The following NRG3 variants were observed in gnomAD, a reference collection of about 807,000 sequenced individuals.
NRG3 encodes the protein pro-neuregulin-3, membrane-bound isoform.
In NRG3, 31 loss-of-function variants were observed where a neutral mutation model predicts 66.9. The observed-to-expected ratio is 0.46, with a 90% confidence interval of 0.35 to 0.63. The LOEUF is 0.63. Among genes scored for constraint, NRG3 ranks in the 20% least tolerant of loss-of-function variants. The probability of loss-of-function intolerance (pLI) is 0.00; values close to 1 mark genes in which losing one functional copy is unlikely to be tolerated. For missense variants in NRG3, 910 were observed against 878.9 expected, an observed-to-expected ratio of 1.04 and a Z score of -0.45; for synonymous variants, 393 against 359.4, an observed-to-expected ratio of 1.09 and a Z score of -1.06.
At chr10:82,466,811 C>T (rs1840722066) in intron 2 of NRG3, among the ~76,000 whole-genome samples, 1 of 151,544 alleles carries the variant, frequency 6.6e-6, no homozygotes. Flanking sequence ...CATGGCATAG[C>T]CTGGAAGGAG....
intron 2 of NRG3, among the ~76,000 whole-genome samples, chr10:82,735,637 C>T (rs938031763): frequency 6.6e-6 from 1 of 152,112 alleles, no homozygotes; most frequent in African/African-American, 2.4e-5. Flanking sequence ...ATCCATCATT[C>T]TCAGTAAGCT....
intron 1 of NRG3, among the ~76,000 whole-genome samples, chr10:82,071,604 A>T (rs923998269): frequency 3.3e-5 from 5 of 152,194 alleles, no homozygotes; most frequent in Admixed American, 6.5e-5. Context: ...GAGGTTGCAG[A>T]GAATGAAGAG....
At chr10:82,320,633 G>A (rs761302555) in intron 1 of NRG3, among the ~76,000 whole-genome samples, 1 of 152,084 alleles carries the variant, frequency 6.6e-6, no homozygotes, top group Non-Finnish European at 1.5e-5. Context: ...AAAGATGACT[G>A]GGGTATGTAC....
chr10:81,942,501 A>G lies in NRG3; in HGVS notation c.823+66338A>G, dbSNP rs540615151. 5.3e-5 allele frequency among the ~76,000 whole-genome samples: 8 copies of G among 152,296 alleles called. No individual in the cohort carries two copies. The South Asian group carries it at 1.2e-3, about 24-fold the overall frequency. On this transcript the variant is annotated intron_variant, in intron 1 of 8. Transcript: ENST00000372141. Reference sequence around the variant, plus strand: ...ACAACTGTTATCAGCCGTTGACTACACAAGATCTATATCAGTCCTTGATGC... The same window carrying G: ...ACAACTGTTATCAGCCGTTGACTACGCAAGATCTATATCAGTCCTTGATGC...
At chr10:82,082,926 T>A (rs1016689502) in intron 1 of NRG3, among the ~76,000 whole-genome samples, 3 of 151,918 alleles carry the variant, frequency 2.0e-5, no homozygotes, top group Non-Finnish European at 4.4e-5. Flanking sequence ...CTTTATTGAT[T>A]ACTTTATTGA....
At chr10:82,391,376 G>C (rs1047193561) in intron 2 of NRG3, among the ~76,000 whole-genome samples, 34 of 152,158 alleles carry the variant, frequency 2.2e-4, no homozygotes, top group African/African-American at 7.7e-4. Flanking sequence ...AAAAACCTTT[G>C]AAAAGTAAAT....
chr10:82,060,189 C>T (rs1436833553), intron 1 of NRG3, among the ~76,000 whole-genome samples: 3 of 152,192 alleles, frequency 2.0e-5, no homozygotes, highest in African/African-American at 2.4e-5. Flanking sequence ...TAGTCACTTA[C>T]GTGTCTGTAT....
intron 2 of NRG3, among the ~76,000 whole-genome samples, chr10:82,589,968 C>T (rs1364716137): frequency 6.6e-6 from 1 of 152,170 alleles, no homozygotes; most frequent in Non-Finnish European, 1.5e-5. Context: ...AGTTATAGAA[C>T]AGTCACTGAA....
At chr10:82,343,175 A>G (rs1189035464) in intron 1 of NRG3, among the ~76,000 whole-genome samples, 1 of 152,154 alleles carries the variant, frequency 6.6e-6, no homozygotes, top group Non-Finnish European at 1.5e-5. Flanking sequence ...TAAATGGTAC[A>G]GAATGGAGAA....
At chr10:81,928,323 TGAAA>T (rs1376058126) in intron 1 of NRG3, among the ~76,000 whole-genome samples, 2 of 152,148 alleles carry the variant, frequency 1.3e-5, no homozygotes, top group Non-Finnish European at 2.9e-5. Flanking sequence ...GGATTCTGAT[TGAAA>T]GAGTCACTCC....
At chr10:82,465,536 G>T (rs920411921) in intron 2 of NRG3, among the ~76,000 whole-genome samples, 4 of 152,168 alleles carry the variant, frequency 2.6e-5, no homozygotes, top group Non-Finnish European at 5.9e-5. Context: ...GTGTACCTGG[G>T]TTACTAGAGC....
intron 2 of NRG3, among the ~76,000 whole-genome samples, chr10:82,737,612 T>G (rs566759906): frequency 6.6e-6 from 1 of 152,288 alleles, no homozygotes; most frequent in African/African-American, 2.4e-5. Context: ...CAATGGATGC[T>G]TCCCTGCTGA....
At position 82,465,988 on chromosome 10, in the gene NRG3, C is replaced by T. The variant is rs75520847; in HGVS notation, c.953+107120C>T. On this transcript the variant is annotated intron_variant, in intron 2 of 8. Coordinates refer to ENST00000372141, the MANE Select transcript of NRG3 (RefSeq NM_001010848.4). ...GGCCTGATGTCTCTATCAGGATGTG[C>T]CTTGTGATTGCCCAGGCACTCATGC... Among the ~76,000 whole-genome samples, 1,523 of 152,196 alleles carry T rather than the reference C, an allele frequency of 0.01. 53 individuals are homozygous for T. In the East Asian group the frequency reaches 0.11, roughly 11 times the overall value.
intron 3 of NRG3, among the ~76,000 whole-genome samples, chr10:82,779,648 G>A (rs1033434540): frequency 6.6e-6 from 1 of 151,792 alleles, no homozygotes; most frequent in African/African-American, 2.4e-5. Context: ...GTTTTATTAT[G>A]ATTATTATAT....
chr10:82,688,306 C>T (rs1022002864), intron 2 of NRG3, among the ~76,000 whole-genome samples: 8 of 152,102 alleles, frequency 5.3e-5, no homozygotes, highest in African/African-American at 1.9e-4. Flanking sequence ...TTTATTTATC[C>T]ATGTTCCCCT....
chr10:82,069,198 G>GA (rs2064661732), intron 1 of NRG3, among the ~76,000 whole-genome samples: 2 of 152,146 alleles, frequency 1.3e-5, no homozygotes, highest in Non-Finnish European at 2.9e-5. Context: ...AGATGGATTG[G>GA]ATAGGGGTCA....
intron 1 of NRG3, among the ~76,000 whole-genome samples, chr10:81,939,117 G>A (rs1848173245): frequency 6.6e-6 from 1 of 151,832 alleles, no homozygotes; most frequent in Non-Finnish European, 1.5e-5. Context: ...ACCTCATTTG[G>A]TAATGGTGTG....
At chr10:82,112,658 A>G (rs1191977855) in intron 1 of NRG3, among the ~76,000 whole-genome samples, 1 of 152,160 alleles carries the variant, frequency 6.6e-6, no homozygotes, top group Non-Finnish European at 1.5e-5. Flanking sequence ...ATTATGACAC[A>G]TCTATTATTC....
intron 2 of NRG3, among the ~76,000 whole-genome samples, chr10:82,454,458 T>TA (rs564650150): frequency 4.0e-5 from 6 of 151,406 alleles, no homozygotes; most frequent in African/African-American, 1.5e-4. Flanking sequence ...TTAAAAAAAA[T>TA]AAAAAAATGC....
Sources: allele counts gnomAD v4.1 joint callset (sites outside exome capture counted in the v4.1 genomes callset), GRCh38; gene constraint gnomAD v4.1.1; transcripts MANE v1.5; gene names NCBI Gene and HGNC (gene_info 2026-07-23, HGNC 2026-07-21).